Variants in EOMES observed in about 807,000 individuals in gnomAD.
EOMES encodes the protein eomesodermin homolog.
EOMES carries 18 observed loss-of-function variants against 61.0 expected under a neutral mutation model. That is an observed-to-expected ratio of 0.30 (90% CI 0.20 to 0.44). The LOEUF (loss-of-function observed/expected upper bound fraction) is 0.44. Among genes scored for constraint, EOMES ranks in the 20% least tolerant of loss-of-function variants. The probability of loss-of-function intolerance (pLI) is 1.00; values close to 1 mark genes in which losing one functional copy is unlikely to be tolerated. For synonymous variants in EOMES, 430 were observed against 394.0 expected (o/e 1.09, Z -1.08); for missense variants, 885 against 939.2 (o/e 0.94, Z 0.75).
Position 27,721,712 on chromosome 3 carries a change from C to A in EOMES, c.583G>T (p.Gly195Cys). The change falls in exon 1 of 6, where the codon GGC becomes TGC. Residue 195 changes from glycine (G) to cysteine (C), a missense_variant. Coordinates refer to ENST00000449599, the MANE Select transcript of EOMES (RefSeq NM_001278182.2). This position sits in a 1 kb window ranked among gnomAD's most constrained non-coding sequence, Gnocchi z 7.4. ...GGTGGGCACACAGCCGCGGGGAAGCCGCCGGGGGGCAGCATGGAGCCGTAG... is the reference window on the plus strand; with the variant it reads ...GGTGGGCACACAGCCGCGGGGAAGCAGCCGGGGGGCAGCATGGAGCCGTAG... ...YPYGSMLPPG[G>C]FPAAVCPPGR... is the part of the protein sequence containing the mutation. 6.7e-7 allele frequency: 1 copy of A among 1,488,024 alleles called. No homozygotes were observed. Among genetic ancestry groups the A allele is most frequent in the Middle Eastern group, 2.4e-4 (1 of 4,208 alleles). The allele number at this position is 1,488,024 out of a possible 1,614,324, so 92.2% of individuals were successfully genotyped here.
chr3:27,717,593 T>C lies in EOMES; in HGVS notation c.1595A>G (p.Asn532Ser), dbSNP rs752788023. ...CGTGACAAGCCACCGCTGGGGAGGGTTGGCCACCTCTTCGCTCTGTTGGGG... is the reference window on the plus strand; with the variant it reads ...CGTGACAAGCCACCGCTGGGGAGGGCTGGCCACCTCTTCGCTCTGTTGGGG... ...LSPQQSEEVANPPQRWLVTPV... is the reference protein window; with the variant it reads ...LSPQQSEEVASPPQRWLVTPV... Residue 532 changes from asparagine (N) to serine (S), a missense_variant, in exon 6 of 6, where the codon AAC (asparagine) becomes AGC (serine). By Grantham distance (46) the Asn-to-Ser change is conservative. Transcript: ENST00000449599. The surrounding 1 kb of genome is among the most constrained non-coding windows in gnomAD (Gnocchi z 4.5). 2 of 1,614,042 alleles carry C rather than the reference T, an allele frequency of 1.2e-6. No individual in the cohort carries two copies. The highest frequency in any genetic ancestry group is 1.1e-5 in the South Asian group (1 of 91,072).
At chr3:27,718,471 T>C in intron 5 of EOMES, 116 bp downstream of exon 5, 1 of 664,494 alleles carries the variant, frequency 1.5e-6, no homozygotes, top group Non-Finnish European at 2.4e-6. Context: ...AAAAGAAAAA[T>C]ATGTAAAAAT....
chr3:27,721,934 CGGCTGCAGCGGCGGA>C lies in EOMES; in HGVS notation c.346_360del (p.Ser116_Ala120del), dbSNP rs2060618583. Reference sequence around the variant, plus strand: ...GCAGCCGCGGCGGCGGCGGCGGCGGCGGCTGCAGCGGCGGAGGGCAGCTCCTCCTCCCCGCAGGGG... The same window carrying C: ...GCAGCCGCGGCGGCGGCGGCGGCGGCGGGCAGCTCCTCCTCCCCGCAGGGG... On this transcript the variant is annotated inframe_deletion, in exon 1 of 6. Transcript: ENST00000449599. This position sits in a 1 kb window ranked among gnomAD's most constrained non-coding sequence, Gnocchi z 7.4. 3 of 1,370,590 alleles carry C rather than the reference CGGCTGCAGCGGCGGA, an allele frequency of 2.2e-6. No homozygotes were observed. Among genetic ancestry groups the C allele is most frequent in the East Asian group, 3.2e-5 (1 of 30,960 alleles). 84.9% of individuals were successfully genotyped at this position (1,370,590 alleles called of 1,614,324 possible).
At chr3:27,722,607 C>T (rs142513586), upstream of EOMES, 46 of 1,159,100 alleles carry the variant, frequency 4.0e-5, no homozygotes, top group East Asian at 1.6e-3. Flanking sequence ...CAGGCTCACA[C>T]GCTGGAAGAA....
chr3:27,719,013 CT>C, intron 3 of EOMES, 120 bp from the exon 4 acceptor site: 3 of 755,480 alleles, frequency 4.0e-6, no homozygotes, highest in Non-Finnish European at 6.3e-6. Flanking sequence ...TCACTAACAG[CT>C]TTGTTTATTG....
chr3:27,719,047 GCC>G (rs57111796), intron 3 of EOMES, among the ~76,000 whole-genome samples, 154 bp from the exon 4 acceptor site: 3 of 149,830 alleles, frequency 2.0e-5, no homozygotes, highest in Non-Finnish European at 4.4e-5. Flanking sequence ...TCTCATTATT[GCC>G]CCCCCCCTTT....
At chr3:27,720,531 C>CAAAAAAAAAA (rs757181277) in intron 1 of EOMES, among the ~76,000 whole-genome samples, 4 of 62,322 alleles carry the variant, frequency 6.4e-5, no homozygotes, top group South Asian at 7.2e-4. Flanking sequence ...TCCGTCTTTT[C>CAAAAAAAAAA]AAAAAAAAAA....
rs747663718 is a variant in EOMES at position 27,721,526 on chromosome 3, C to A, written c.769G>T (p.Gly257Cys). The A allele has an allele frequency of 3.7e-6, 6 of 1,611,072 alleles. No individual in the cohort carries two copies. In the East Asian group the frequency reaches 1.3e-4, roughly 36 times the overall value. Reference protein sequence around the residue: ...AAAGSCGGLGGLGVPGSGFRA... With the variant: ...AAAGSCGGLGCLGVPGSGFRA... ...AAGCCAGAACCTGGAACCCCCAGGC[C>A]CCCCAGTCCTCCGCAAGATCCCGCC... is the stretch of plus-strand genomic sequence containing the variant. Residue 257 changes from glycine to cysteine, a missense_variant, in exon 1 of 6, where the codon GGC (glycine) becomes TGC (cysteine). By Grantham distance (159) the Gly-to-Cys change is radical (BLOSUM62 -3). Around this residue, in one of 3 missense-constraint regions of EOMES, gnomAD observed 449 missense variants for 383.6 expected, o/e 1.17. Transcript: ENST00000449599. This position sits in a 1 kb window ranked among gnomAD's most constrained non-coding sequence, Gnocchi z 7.4.
rs748272403 is a variant in EOMES at position 27,721,906 on chromosome 3, G to A, written c.389C>T (p.Ala130Val). ...AAAAAAAAAA[A>V]TARYSMDSLS... Reference sequence around the variant, plus strand: ...GCTGTCCATGGAGTAGCGCGCAGTGGCCGCAGCCGCGGCGGCGGCGGCGGC... The same window carrying A: ...GCTGTCCATGGAGTAGCGCGCAGTGACCGCAGCCGCGGCGGCGGCGGCGGC... The change falls in exon 1 of 6, where the codon GCC becomes GTC. Residue 130 changes from alanine (A) to valine (V), a missense_variant. Ala to Val is a moderately conservative substitution (Grantham distance 64). Transcript: ENST00000449599. This position sits in a 1 kb window ranked among gnomAD's most constrained non-coding sequence, Gnocchi z 7.4. 12 of 1,397,522 alleles carry A rather than the reference G, an allele frequency of 8.6e-6. No individual in the cohort carries two copies. In the South Asian group the frequency reaches 1.6e-4, roughly 18 times the overall value. 86.6% of individuals were successfully genotyped at this position (1,397,522 alleles called of 1,614,324 possible). A position where few individuals can be genotyped will look rare whatever the true frequency, so the allele number is the denominator to read the frequency against.
At position 27,717,552 on chromosome 3, in the gene EOMES, C is replaced by G; in HGVS notation, c.1636G>C (p.Gly546Arg). 6.2e-7 allele frequency: 1 copy of G among 1,614,166 alleles called. No homozygotes were observed. The highest frequency in any genetic ancestry group is 8.5e-7 in the Non-Finnish European group (1 of 1,180,026). Residue 546 changes from glycine (G) to arginine (R), a missense_variant, in exon 6 of 6, where the codon GGG (glycine) becomes CGG (arginine). Coordinates refer to ENST00000449599, the MANE Select transcript of EOMES (RefSeq NM_001278182.2). This position sits in a 1 kb window ranked among gnomAD's most constrained non-coding sequence, Gnocchi z 4.5. ...RWLVTPVQQP[G>R]TNKLDISSYE... ...GAACTGATGTCTAGTTTGTTGGTCC[C>G]AGGTTGCTGGACAGGCGTGACAAGC...
At chr3:27,720,389 C>T in intron 1 of EOMES, 64 bp from the exon 2 acceptor site, 2 of 1,448,760 alleles carry the variant, frequency 1.4e-6, no homozygotes, top group Non-Finnish European at 1.9e-6. Context: ...CAGGCCCAGG[C>T]CCCAGCGGGT....
Position 27,718,747 on chromosome 3 carries a change from G to A in EOMES, c.1305C>T (p.Tyr435=), listed in dbSNP as rs2060588401. 1 of 1,614,064 alleles carries A rather than the reference G, an allele frequency of 6.2e-7. No individual in the cohort carries two copies. The highest frequency in any genetic ancestry group is 1.1e-5 in the South Asian group (1 of 91,084). ...SETQFIAVTA[Y]QNTDITQLKI... is the part of the protein sequence containing the mutation. ...CTGGGACACTCACATCGGTGTTTTGGTAGGCAGTCACTGCAATGAATTGCG... is the reference window on the plus strand; with the variant it reads ...CTGGGACACTCACATCGGTGTTTTGATAGGCAGTCACTGCAATGAATTGCG... Residue 435 remains tyrosine (Y), a synonymous_variant, in exon 4 of 6, where the codon TAC becomes TAT. Transcript: ENST00000449599.
At chr3:27,719,241 C>T (rs540219196) in intron 3 of EOMES, 119 bp downstream of exon 3, 135 of 1,047,500 alleles carry the variant, frequency 1.3e-4, no homozygotes, top group East Asian at 2.2e-4. Context: ...TAGAAATAGG[C>T]GAGCAAACAG....
chr3:27,722,639 C>T, upstream of EOMES: 2 of 1,080,754 alleles, frequency 1.9e-6, no homozygotes, highest in Non-Finnish European at 2.2e-6. Flanking sequence ...TCTTTGTCCC[C>T]ATCCACCCAC....
chr3:27,719,303 A>G, intron 3 of EOMES, 57 bp downstream of exon 3: 1 of 1,556,194 alleles, frequency 6.4e-7, no homozygotes, highest in Non-Finnish European at 8.8e-7. Flanking sequence ...GACTCTTATT[A>G]GAAAAAAGCC....
In EOMES at chr3:27,717,077, G is replaced by A; in HGVS notation, c.2111C>T (p.Thr704Ile). Residue 704 changes from threonine (T) to isoleucine (I), a missense_variant, in exon 6 of 6, where the codon ACT becomes ATT. Physicochemically the swap from Thr to Ile is moderately conservative, Grantham distance 89 (BLOSUM62 -1). Around this residue, in one of 3 missense-constraint regions of EOMES, gnomAD observed 259 missense variants for 282.3 expected, o/e 0.92. Coordinates refer to ENST00000449599, the MANE Select transcript of EOMES (RefSeq NM_001278182.2). This position sits in a 1 kb window ranked among gnomAD's most constrained non-coding sequence, Gnocchi z 4.5. ...GMGGYYAFYT[T>I]P ...TGAGGTTAAAATAACTCTTTAGGGA[G>A]TTGTGTAAAAAGCATAATACCCTCC... 1 of 1,606,242 alleles carries A rather than the reference G, an allele frequency of 6.2e-7. No individual in the cohort carries two copies. The highest frequency in any genetic ancestry group is 8.5e-7 in the Non-Finnish European group (1 of 1,175,384).
chr3:27,722,076 T>A lies in EOMES; in HGVS notation c.219A>T (p.Ala73=), dbSNP rs889378584. 7 of 1,547,226 alleles carry A rather than the reference T, an allele frequency of 4.5e-6. No homozygotes were observed. The African/African-American group carries it at 8.3e-5, about 18-fold the overall frequency. The change falls in exon 1 of 6, where the codon GCA becomes GCT. Residue 73 remains alanine, a synonymous_variant. Coordinates refer to ENST00000449599, the MANE Select transcript of EOMES (RefSeq NM_001278182.2). The part of the protein sequence containing the change: ...AVSGEPAAAS[A]GAPAAMLSDT... The stretch of plus-strand genomic sequence containing the variant: ...CACTAAGCATGGCCGCGGGGGCCCC[T>A]GCGCTGGCGGCTGCGGGCTCCCCGC...
In EOMES at chr3:27,720,073, A is replaced by G. The variant is rs532644800; in HGVS notation, c.1036+98T>C. On this transcript the variant is annotated intron_variant, in intron 2 of 5. Coordinates refer to ENST00000449599, the MANE Select transcript of EOMES (RefSeq NM_001278182.2). ...CCTCTAGGCCTCAGAATGGAAGGGG[A>G]AAAAAAAAGTGCTACATTTAAATGT... The G allele has an allele frequency of 1.3e-3, 1,434 of 1,120,802 alleles. 10 individuals carry two copies. In the African/African-American group the frequency reaches 0.016, roughly 13 times the overall value. The allele number at this position is 1,120,802 out of a possible 1,614,324, so 69.4% of individuals were successfully genotyped here.
At position 27,721,402 on chromosome 3, in the gene EOMES, C is replaced by T. The variant is rs763322120; in HGVS notation, c.881+12G>A. ...ATCCCCGAACCCAGGGGCCCCTCCA[C>T]GCTGCGCTCACCTGCCCTGTTTCGT... is the stretch of plus-strand genomic sequence containing the variant. On this transcript the variant is annotated intron_variant, in intron 1 of 5. Coordinates refer to ENST00000449599, the MANE Select transcript of EOMES (RefSeq NM_001278182.2). This position sits in a 1 kb window ranked among gnomAD's most constrained non-coding sequence, Gnocchi z 7.4. 15 of 1,604,334 alleles carry T rather than the reference C, an allele frequency of 9.3e-6. No homozygotes were observed. The South Asian group carries it at 1.5e-4, about 16-fold the overall frequency.
Sources: gnomAD v4.1 joint callset for allele counts (sites outside exome capture counted in the v4.1 genomes callset) on GRCh38, gnomAD v4.1.1 for gene constraint, gnomAD v4.1.1 regional missense constraint, Gnocchi (gnomAD v3.1) non-coding constraint, MANE v1.5 for transcripts, NCBI Gene and HGNC (gene_info 2026-07-23, HGNC 2026-07-21) for gene names.